CFAP92: variants seen among roughly 807,000 people sequenced by gnomAD.
The protein encoded by CFAP92 is cilia and flagella associated protein 92 (putative), also known as uncharacterized protein CFAP92.
CFAP92 carries 86 observed loss-of-function variants against 106.3 expected under a neutral mutation model. The observed-to-expected ratio is 0.81, with a 90% confidence interval of 0.68 to 0.97. CFAP92 has a LOEUF of 0.97. Ranked by LOEUF, CFAP92 falls within the 50% of genes least tolerant of loss-of-function variation. The probability of loss-of-function intolerance (pLI) is 0.00; values close to 1 mark genes in which losing one functional copy is unlikely to be tolerated. For missense variants in CFAP92, 1,204 were observed against 1,283.8 expected, an observed-to-expected ratio of 0.94 and a Z score of 0.95; for synonymous variants, 477 against 506.4, an observed-to-expected ratio of 0.94 and a Z score of 0.78.
intron 9 of CFAP92, among the ~76,000 whole-genome samples, chr3:128,951,247 A>G (rs1258172958): frequency 6.6e-6 from 1 of 152,050 alleles, no homozygotes; most frequent in Non-Finnish European, 1.5e-5. Context: ...AAAAAAAAAA[A>G]AGGAAAGCCC....
At chr3:129,016,304 A>G in the CFAP92 span, among the ~76,000 whole-genome samples, 1 of 152,156 alleles carries the variant, frequency 6.6e-6, no homozygotes, top group Non-Finnish European at 1.5e-5. Flanking sequence ...AGAGCCAAAC[A>G]GGCTTCTGTG....
chr3:128,963,537 A>G (rs546527290), intron 9 of CFAP92, among the ~76,000 whole-genome samples: 3 of 152,028 alleles, frequency 2.0e-5, no homozygotes, highest in East Asian at 1.9e-4. Flanking sequence ...CCGGACTTCA[A>G]TCTGGCCTCC....
chr3:128,962,217 C>T (rs558489701), intron 9 of CFAP92, among the ~76,000 whole-genome samples: 6 of 152,256 alleles, frequency 3.9e-5, no homozygotes, highest in South Asian at 2.1e-4. Flanking sequence ...CCATCACGGA[C>T]GCCGAGCTTC....
At chr3:129,014,540 A>G in the CFAP92 span, among the ~76,000 whole-genome samples, 172 of 152,302 alleles carry the variant, frequency 1.1e-3, no homozygotes, top group Non-Finnish European at 1.9e-3. The surrounding 1 kb of genome is among the most constrained non-coding windows in gnomAD (Gnocchi z 4.3). Context: ...GGCCCACCCT[A>G]AAGACCTCAT....
the CFAP92 span, among the ~76,000 whole-genome samples, chr3:129,011,480 G>A: frequency 6.6e-6 from 1 of 151,960 alleles, no homozygotes; most frequent in Non-Finnish European, 1.5e-5. Flanking sequence ...GAACCCAGAA[G>A]GTGGAGGTTG....
chr3:128,987,615 C>A lies in CFAP92; in HGVS notation c.667+1G>T, dbSNP rs377502862. ...AACCATTTCAAATAAAACCAGAGCA[C>A]CTGACTTATGAAAAGCTCCCACGTC... On this transcript the variant is annotated splice_donor_variant, in intron 4 of 15. Transcript: ENST00000645291. LOFTEE classifies it high-confidence loss of function. 3 of 1,613,430 alleles carry A rather than the reference C, an allele frequency of 1.9e-6. No individual in the cohort carries two copies. Among genetic ancestry groups the A allele is most frequent in the Non-Finnish European group, 2.5e-6 (3 of 1,179,628 alleles).
the CFAP92 span, among the ~76,000 whole-genome samples, chr3:129,010,094 C>T: frequency 1.2e-4 from 19 of 152,338 alleles, 1 homozygote; most frequent in Admixed American, 4.6e-4. This position sits in a 1 kb window ranked among gnomAD's most constrained non-coding sequence, Gnocchi z 4.3. Context: ...TGGATGCTGT[C>T]CTCAAAACTG....
At chr3:129,024,484 T>C in the CFAP92 span, among the ~76,000 whole-genome samples, 4 of 151,176 alleles carry the variant, frequency 2.6e-5, no homozygotes, top group Non-Finnish European at 4.4e-5. Context: ...TGAGCCGAGA[T>C]TGCACCACTG....
At position 128,915,346 on chromosome 3, in the gene CFAP92, TC is replaced by T; in HGVS notation, c.3123+10del. 2 of 1,536,106 alleles carry T rather than the reference TC, an allele frequency of 1.3e-6. No homozygotes were observed. Among genetic ancestry groups the T allele is most frequent in the Non-Finnish European group, 1.7e-6 (2 of 1,146,890 alleles). On this transcript the variant is annotated intron_variant, in intron 14 of 15. Coordinates refer to ENST00000645291, the MANE Select transcript of CFAP92 (RefSeq NM_001394090.1). The stretch of plus-strand genomic sequence containing the variant: ...GACACCCCACCTGAGACCCTGCTCT[TC>T]CCTGTGGACCTCATTCAGCTCTTTG...
At chr3:128,961,200 G>A (rs991481681) in intron 9 of CFAP92, among the ~76,000 whole-genome samples, 11 of 152,234 alleles carry the variant, frequency 7.2e-5, no homozygotes, top group African/African-American at 2.4e-4. Flanking sequence ...AATTCTTGTC[G>A]TAAAATAGGC....
chr3:128,957,413 T>C (rs1436227546), intron 9 of CFAP92, among the ~76,000 whole-genome samples: 1 of 152,194 alleles, frequency 6.6e-6, no homozygotes, highest in Non-Finnish European at 1.5e-5. Context: ...AAAATATTGA[T>C]ACCAAGAGAT....
At position 128,931,473 on chromosome 3, in the gene CFAP92, A is replaced by ATATATATGTG. The variant is rs1164642649; in HGVS notation, c.2751+1226_2751+1227insCACATATATA. Among the ~76,000 whole-genome samples the ATATATATGTG allele has an allele frequency of 2.8e-4, 15 of 53,184 alleles. No homozygotes were observed. In the African/African-American group the frequency reaches 4.2e-3, roughly 15 times the overall value. 34.9% of individuals were successfully genotyped at this position (53,184 alleles called of 152,430 possible). Reference sequence around the variant, plus strand: ...TGTGTGTATATATATATACACATACATGTATATATATGTATGTATGTATAT... The same window carrying ATATATATGTG: ...TGTGTGTATATATATATACACATACATATATATGTGTGTATATATATGTATGTATGTATAT... On this transcript the variant is annotated intron_variant, in intron 12 of 15. Coordinates refer to ENST00000645291, the MANE Select transcript of CFAP92 (RefSeq NM_001394090.1).
chr3:128,965,427 T>A, intron 9 of CFAP92, 84 bp downstream of exon 9: 1 of 398,300 alleles, frequency 2.5e-6, no homozygotes, highest in Non-Finnish European at 4.4e-6. Context: ...TGTGGGGCCA[T>A]CAGGAGGACT....
chr3:128,943,784 G>A (rs567329943), intron 10 of CFAP92, among the ~76,000 whole-genome samples: 15 of 151,952 alleles, frequency 9.9e-5, no homozygotes, highest in African/African-American at 3.1e-4. Flanking sequence ...CAATCCTCCC[G>A]CCTCAGCCTC....
the CFAP92 span, among the ~76,000 whole-genome samples, chr3:129,012,136 G>A: frequency 6.6e-6 from 1 of 152,218 alleles, no homozygotes; most frequent in Non-Finnish European, 1.5e-5. Flanking sequence ...GCTAACCTAT[G>A]TATGTTGCAC....
chr3:128,912,979 C>T (rs761682719), intron 15 of CFAP92: 1 of 472,170 alleles, frequency 2.1e-6, no homozygotes, highest in Non-Finnish European at 4.2e-6. Flanking sequence ...CATTTCTGCT[C>T]AACCACACAT....
At chr3:129,004,058 G>A, upstream of CFAP92, 1 of 1,511,262 alleles carries the variant, frequency 6.6e-7, no homozygotes, top group Non-Finnish European at 8.8e-7. Context: ...GCGGCTGGAG[G>A]CGGAGCTGCA....
At chr3:129,016,992 A>C in the CFAP92 span, among the ~76,000 whole-genome samples, 1 of 152,184 alleles carries the variant, frequency 6.6e-6, no homozygotes, top group East Asian at 1.9e-4. Context: ...TAAAGTTTTC[A>C]AGGACCTGAT....
chr3:129,002,317 C>A, intron 1 of CFAP92: 1 of 1,521,926 alleles, frequency 6.6e-7, no homozygotes, highest in Non-Finnish European at 8.8e-7. Flanking sequence ...CGCTGCCTAG[C>A]ACTGCAGGTG....
Sources: allele counts gnomAD v4.1 joint callset (sites outside exome capture counted in the v4.1 genomes callset), GRCh38; gene constraint gnomAD v4.1.1; non-coding constraint Gnocchi (gnomAD v3.1); transcripts MANE v1.5; gene names NCBI Gene and HGNC (gene_info 2026-07-23, HGNC 2026-07-21).